Variants in GNL3L observed in about 807,000 individuals in gnomAD.
GNL3L encodes G protein nucleolar 3 like, also known as guanine nucleotide-binding protein-like 3-like protein.
Under a neutral mutation model 42.9 loss-of-function variants are expected in GNL3L, and 4 were observed. The ratio of observed to expected loss-of-function variants is 0.09; its 90% CI spans 0.05 to 0.21. The LOEUF (loss-of-function observed/expected upper bound fraction) is 0.21, where lower values mean the gene tolerates loss of function less well. GNL3L is among the 10% of genes least tolerant of loss of function. GNL3L has a pLI of 1.00. For synonymous variants in GNL3L, 159 were observed against 176.3 expected (o/e 0.90, Z 0.78); for missense variants, 412 against 481.7 (o/e 0.86, Z 1.36).
At chrX:54,592,853 T>C (rs1925887242) in intron 16 of GNL3L, among the ~76,000 whole-genome samples, 1 of 110,661 alleles carries the variant, frequency 9.0e-6, no homozygotes, top group African/African-American at 3.3e-5. Flanking sequence ...TTTTATCAAA[T>C]GGTTTCTAAA....
intron 1 of GNL3L, among the ~76,000 whole-genome samples, chrX:54,531,124 A>ATGT (rs1924232209): frequency 8.9e-6 from 1 of 111,931 alleles, no homozygotes; most frequent in Non-Finnish European, 1.9e-5. Context: ...CATGCTTCGA[A>ATGT]GCAAACAGGA....
At chrX:54,590,227 C>T (rs775853135) in intron 16 of GNL3L, among the ~76,000 whole-genome samples, 22 of 112,042 alleles carry the variant, frequency 2.0e-4, no homozygotes, top group African/African-American at 6.5e-4. Flanking sequence ...CGTGAGCCAC[C>T]GCGCCTAGCC....
intron 16 of GNL3L, among the ~76,000 whole-genome samples, chrX:54,617,595 C>G (rs184197804): frequency 8.9e-6 from 1 of 111,932 alleles, no homozygotes; most frequent in Non-Finnish European, 1.9e-5. Flanking sequence ...ACTCCCTTCC[C>G]GCAAATTCAT....
chrX:54,637,976 C>T, the GNL3L span, among the ~76,000 whole-genome samples: 1 of 111,328 alleles, frequency 9.0e-6, no homozygotes, highest in African/African-American at 3.3e-5. Flanking sequence ...ACTCTTCTTT[C>T]TACTTTTGCA....
intron 14 of GNL3L, 40 bp downstream of exon 14, chrX:54,554,732 C>A (rs763486016): frequency 8.6e-7 from 1 of 1,166,583 alleles, no homozygotes; most frequent in African/African-American, 1.8e-5. Context: ...TCTTCTCTCC[C>A]CAGGGCTCTG....
chrX:54,598,154 T>C (rs1043694748), intron 16 of GNL3L, among the ~76,000 whole-genome samples: 8 of 111,865 alleles, frequency 7.2e-5, no homozygotes, highest in African/African-American at 2.6e-4. Context: ...TAATTATTGC[T>C]ATATTAGGTA....
chrX:54,626,631 C>T, the GNL3L span, among the ~76,000 whole-genome samples: 1 of 111,563 alleles, frequency 9.0e-6, no homozygotes, highest in South Asian at 3.7e-4. Context: ...ATTATACTTC[C>T]ACCAACAGTG....
chrX:54,602,429 G>A (rs1472644991), intron 16 of GNL3L, among the ~76,000 whole-genome samples: 1 of 110,533 alleles, frequency 9.0e-6, no homozygotes, highest in African/African-American at 3.3e-5. Flanking sequence ...AACTGGGCAT[G>A]ATTTAAACCT....
intron 16 of GNL3L, among the ~76,000 whole-genome samples, chrX:54,583,545 C>T (rs1286145959): frequency 9.0e-6 from 1 of 110,666 alleles, no homozygotes; most frequent in African/African-American, 3.3e-5. Flanking sequence ...GAATTCTGTG[C>T]CTGGTCCTAG....
At chrX:54,545,095 T>TA (rs746315593) in intron 8 of GNL3L, among the ~76,000 whole-genome samples, 1 of 111,905 alleles carries the variant, frequency 8.9e-6, no homozygotes, top group South Asian at 3.8e-4. Context: ...TTTGTATTTT[T>TA]AGTAGACACG....
intron 9 of GNL3L, among the ~76,000 whole-genome samples, chrX:54,550,281 C>T (rs1325555987): frequency 9.4e-6 from 1 of 106,273 alleles, no homozygotes; most frequent in Non-Finnish European, 1.9e-5. Context: ...ATGAGAATGA[C>T]CTAGAGAGAG....
downstream of GNL3L, among the ~76,000 whole-genome samples, chrX:54,624,448 T>C (rs1175694644): frequency 9.8e-6 from 1 of 102,371 alleles, no homozygotes; most frequent in East Asian, 3.0e-4. Context: ...CTTTTTTTTT[T>C]TTTTTTTGAG....
At chrX:54,574,914 T>G (rs1191127617) in intron 16 of GNL3L, among the ~76,000 whole-genome samples, 1 of 112,443 alleles carries the variant, frequency 8.9e-6, no homozygotes, top group East Asian at 2.7e-4. Flanking sequence ...GTTCATAGAA[T>G]TTGCTTATAA....
At chrX:54,642,944 T>C in the GNL3L span, among the ~76,000 whole-genome samples, 1 of 112,097 alleles carries the variant, frequency 8.9e-6, no homozygotes, top group African/African-American at 3.2e-5. Context: ...TCTCATCCAA[T>C]GCTTTTCTCT....
At chrX:54,544,627 G>A (rs1190377687) in intron 8 of GNL3L, among the ~76,000 whole-genome samples, 2 of 109,609 alleles carry the variant, frequency 1.8e-5, no homozygotes, top group South Asian at 4.0e-4. Flanking sequence ...GCGTCACCAT[G>A]CCCTGCTAAT....
chrX:54,546,374 A>G (rs775558118), intron 8 of GNL3L, among the ~76,000 whole-genome samples: 2 of 111,073 alleles, frequency 1.8e-5, no homozygotes, highest in African/African-American at 3.3e-5. Flanking sequence ...ACCCTTGTAC[A>G]TGTCTCCTTG....
the GNL3L span, among the ~76,000 whole-genome samples, chrX:54,635,734 TA>T: frequency 9.5e-3 from 862 of 90,561 alleles, 7 homozygotes; most frequent in African/African-American, 0.019. Context: ...TGTCAGGAAC[TA>T]AAAAAAAAAA....
downstream of GNL3L, among the ~76,000 whole-genome samples, chrX:54,567,292 T>A (rs1925459680): frequency 9.0e-6 from 1 of 110,927 alleles, no homozygotes; most frequent in African/African-American, 3.3e-5. Flanking sequence ...ATGTCTAATA[T>A]ATATGTCTGC....
intron 14 of GNL3L, 102 bp from the exon 15 acceptor site, chrX:54,558,334 T>TCCTG (rs1925157571): frequency 1.8e-6 from 1 of 562,934 alleles, no homozygotes; most frequent in Admixed American, 2.6e-5. Flanking sequence ...GGCTCCAGGC[T>TCCTG]CCTGTTCTTA....
Sources: allele counts gnomAD v4.1 joint callset (sites outside exome capture counted in the v4.1 genomes callset), GRCh38; gene constraint gnomAD v4.1.1; transcripts MANE v1.5; gene names NCBI Gene and HGNC (gene_info 2026-07-23, HGNC 2026-07-21).